Variants in HFM1 observed in about 807,000 individuals in gnomAD.
The protein encoded by HFM1 is helicase for meiosis 1.
A neutral mutation model predicts 192.1 loss-of-function variants in HFM1; 169 were observed. The ratio of observed to expected loss-of-function variants is 0.88; its 90% confidence interval spans 0.78 to 1.00. HFM1 has a LOEUF of 1.00. Ranked by LOEUF, HFM1 falls within the 50% of genes least tolerant of loss-of-function variation. HFM1 has a pLI of 0.00. For synonymous variants in HFM1, 525 were observed against 537.8 expected (o/e 0.98, Z 0.33); for missense variants, 1,661 against 1,668.0 (o/e 1.00, Z 0.07).
chr1:91,296,237 A>G (rs1312380566), intron 30 of HFM1, among the ~76,000 whole-genome samples: 1 of 152,118 alleles, frequency 6.6e-6, no homozygotes, highest in Non-Finnish European at 1.5e-5. Context: ...AATTTTTTCC[A>G]TATGGACATC....
chr1:91,313,524 GTTTA>G (rs761941113), intron 29 of HFM1, 29 bp from the exon 30 acceptor site: 5 of 1,482,196 alleles, frequency 3.4e-6, no homozygotes, highest in Admixed American at 2.1e-5. Flanking sequence ...GTACACAAAT[GTTTA>G]TTTGTCATAT....
At chr1:91,285,391 T>C (rs1200653431) in intron 30 of HFM1, among the ~76,000 whole-genome samples, 2 of 152,232 alleles carry the variant, frequency 1.3e-5, no homozygotes, top group East Asian at 1.9e-4. Context: ...TTAGCAATTA[T>C]ATTCTCTGAA....
At chr1:91,262,667 T>C (rs1029553488) in intron 36 of HFM1, 75 bp from the exon 37 acceptor site, 55 of 867,472 alleles carry the variant, frequency 6.3e-5, no homozygotes, top group Non-Finnish European at 9.0e-5. Flanking sequence ...ATAATGATTT[T>C]TGGGGAATAT....
Position 91,375,528 on chromosome 1 carries a change from A to G in HFM1, c.1595T>C (p.Val532Ala). 6.2e-7 allele frequency: 1 copy of G among 1,612,244 alleles called. No individual in the cohort carries two copies. ...QMYSDQKPTL[V>A]FCATRKGVQQ... ...AAATAAGCTATCAACAATCCATACC[A>G]CAAGTGTGGGTTTCTGATCAGAGTA... is the stretch of plus-strand genomic sequence containing the variant. The change falls in exon 12 of 39, where the codon GTG becomes GCG. Residue 532 changes from valine to alanine, a missense_variant and splice_region_variant. Val to Ala is a moderately conservative substitution (Grantham distance 64, BLOSUM62 0). Coordinates refer to ENST00000370425, the MANE Select transcript of HFM1 (RefSeq NM_001017975.6).
rs555018645 is a variant in HFM1 at position 91,298,359 on chromosome 1, G to T, written c.3391+14990C>A. On this transcript the variant is annotated intron_variant, in intron 30 of 38. Transcript: ENST00000370425. The stretch of plus-strand genomic sequence containing the variant: ...GGAGAATGGAACCAAGTTGGAAAAC[G>T]CTCTGCAGGATATTATCCAGGAGAA... Among the ~76,000 whole-genome samples, 256 of 152,248 alleles carry T rather than the reference G, an allele frequency of 1.7e-3. 1 individual carries two copies. The highest frequency in any genetic ancestry group is 5.8e-3 in the African/African-American group (241 of 41,544).
chr1:91,374,874 A>C (rs761576284), intron 13 of HFM1, among the ~76,000 whole-genome samples: 7 of 152,132 alleles, frequency 4.6e-5, no homozygotes, highest in African/African-American at 7.2e-5. Context: ...AGAGTGTGGC[A>C]TTAGAAAGAA....
chr1:91,276,498 T>C (rs281959), intron 32 of HFM1, 130 bp downstream of exon 32: 133,679 of 434,194 alleles, frequency 0.31, 21,300 homozygotes, highest in Non-Finnish European at 0.34. Context: ...TTATGAATAA[T>C]GGTAATATTC....
chr1:91,347,531 T>A (rs1395496665), intron 18 of HFM1, 55 bp from the exon 19 acceptor site: 3 of 1,154,786 alleles, frequency 2.6e-6, no homozygotes, highest in Non-Finnish European at 3.8e-6. Flanking sequence ...AGGCTCAGTT[T>A]ATACCCCAGT....
At chr1:91,261,402 C>T in intron 38 of HFM1, 43 bp from the exon 39 acceptor site, 1 of 886,742 alleles carries the variant, frequency 1.1e-6, no homozygotes, top group Non-Finnish European at 1.6e-6. Flanking sequence ...TTTTTTAACA[C>T]AATTTATTTT....
chr1:91,318,974 A>G, intron 25 of HFM1, 104 bp downstream of exon 25: 2 of 1,151,184 alleles, frequency 1.7e-6, no homozygotes, highest in Non-Finnish European at 2.5e-6. Flanking sequence ...ACAAACACAT[A>G]CCTTCCTTGA....
Position 91,330,388 on chromosome 1 carries a change from T to C in HFM1, c.2336-5622A>G, listed in dbSNP as rs1343727311. Among the ~76,000 whole-genome samples the C allele has an allele frequency of 2.0e-5, 3 of 152,062 alleles. No homozygotes were observed. In the South Asian group the frequency reaches 6.2e-4, roughly 32 times the overall value. ...TACTAGCAGCAACTACATGCCAATA[T>C]ATTGGAAAATCTAGAAGAAATGAAC... is the stretch of plus-strand genomic sequence containing the variant. On this transcript the variant is annotated intron_variant, in intron 20 of 38. Transcript: ENST00000370425.
At chr1:91,295,604 T>A (rs1361433665) in intron 30 of HFM1, among the ~76,000 whole-genome samples, 1 of 152,210 alleles carries the variant, frequency 6.6e-6, no homozygotes, top group Non-Finnish European at 1.5e-5. Flanking sequence ...TCAGCATATT[T>A]ATTTGGGGGT....
At chr1:91,292,344 T>C (rs1103920) in intron 30 of HFM1, among the ~76,000 whole-genome samples, 350 of 510 alleles carry the variant, frequency 0.69, 171 homozygotes, top group Non-Finnish European at 1. Flanking sequence ...GTTAAGCAAC[T>C]TCAGCAACGT....
At chr1:91,369,616 C>T (rs1034425378) in intron 13 of HFM1, among the ~76,000 whole-genome samples, 1 of 152,120 alleles carries the variant, frequency 6.6e-6, no homozygotes, top group Non-Finnish European at 1.5e-5. Flanking sequence ...ATTTATAGCA[C>T]TAAATGCCCA....
chr1:91,295,389 C>T (rs181726894), intron 30 of HFM1, among the ~76,000 whole-genome samples: 2 of 152,108 alleles, frequency 1.3e-5, no homozygotes, highest in Non-Finnish European at 2.9e-5. Context: ...GTTGGTATCT[C>T]CTGAGGTTCC....
At chr1:91,296,446 T>TA (rs544137345) in intron 30 of HFM1, among the ~76,000 whole-genome samples, 181 of 152,264 alleles carry the variant, frequency 1.2e-3, no homozygotes, top group African/African-American at 3.9e-3. Flanking sequence ...TGATATCTAG[T>TA]AAAGTAGGTT....
At chr1:91,306,530 A>C (rs1649641287) in intron 30 of HFM1, among the ~76,000 whole-genome samples, 1 of 152,198 alleles carries the variant, frequency 6.6e-6, no homozygotes, top group Non-Finnish European at 1.5e-5. Context: ...CCTCTCCTGC[A>C]TACATGCAAT....
intron 2 of HFM1, among the ~76,000 whole-genome samples, chr1:91,398,066 G>A (rs1437252575): frequency 6.6e-6 from 1 of 152,144 alleles, no homozygotes; most frequent in Non-Finnish European, 1.5e-5. Flanking sequence ...GTTAATGGAA[G>A]GGATCTTCCT....
chr1:91,365,957 G>A (rs1191541505), intron 13 of HFM1, among the ~76,000 whole-genome samples: 14 of 118,934 alleles, frequency 1.2e-4, no homozygotes, highest in Admixed American at 6.3e-4. Context: ...CTCTAACTCC[G>A]GTATGTTCCT....
Sources: gnomAD v4.1 joint callset for allele counts (sites outside exome capture counted in the v4.1 genomes callset) on GRCh38, gnomAD v4.1.1 for gene constraint, MANE v1.5 for transcripts, NCBI Gene and HGNC (gene_info 2026-07-23, HGNC 2026-07-21) for gene names.